PRDM15: variants seen among roughly 807,000 people sequenced by gnomAD.
PRDM15 encodes PR/SET domain 15, also known as PR domain zinc finger protein 15.
A neutral mutation model predicts 128.6 loss-of-function variants in PRDM15; 64 were observed. The observed-to-expected ratio is 0.50, with a 90% CI of 0.41 to 0.61. PRDM15 has a LOEUF of 0.61. Among genes scored for constraint, PRDM15 ranks in the 20% least tolerant of loss-of-function variants. The pLI is 0.00. For synonymous variants in PRDM15, 615 were observed against 621.8 expected (o/e 0.99, Z 0.16); for missense variants, 1,242 against 1,569.1 (o/e 0.79, Z 3.52).
intron 1 of PRDM15, chr21:41,867,478 G>A: frequency 1.1e-6 from 1 of 924,274 alleles, no homozygotes; most frequent in South Asian, 1.5e-5. Flanking sequence ...TGTTGCCCAG[G>A]CTGGAGCGCA....
intron 1 of PRDM15, chr21:41,878,844 C>CT (rs2064524657): frequency 3.4e-6 from 3 of 894,168 alleles, no homozygotes; most frequent in Non-Finnish European, 3.8e-6. Context: ...GGGCCGCGGG[C>CT]CGGGGCGGCG....
rs2146396742 is a variant in PRDM15 at position 41,821,830 on chromosome 21, T to C, written c.1896+73A>G. 5.7e-6 allele frequency: 9 copies of C among 1,569,080 alleles called. No individual in the cohort carries two copies. Among genetic ancestry groups the C allele is most frequent in the Non-Finnish European group, 6.1e-6 (7 of 1,146,864 alleles). On this transcript the variant is annotated intron_variant, in intron 15 of 23. Coordinates refer to ENST00000398548, the MANE Select transcript of PRDM15 (RefSeq NM_001040424.3). This position sits in a 1 kb window ranked among gnomAD's most constrained non-coding sequence, Gnocchi z 5.4. ...GAGATGCATGAAGGTGCCTGCTGTG[T>C]GGGGCCCACAGCCTTGAAACGACCA... is the stretch of plus-strand genomic sequence containing the variant.
chr21:41,878,507 C>A (rs1006764571), intron 1 of PRDM15, among the ~76,000 whole-genome samples: 2 of 152,282 alleles, frequency 1.3e-5, no homozygotes, highest in Admixed American at 6.5e-5. Context: ...CAGGACGCTG[C>A]GCGTGGCCCC....
chr21:41,873,827 T>G (rs2064300585), intron 1 of PRDM15, among the ~76,000 whole-genome samples: 1 of 152,098 alleles, frequency 6.6e-6, no homozygotes, highest in Admixed American at 6.5e-5. Context: ...GGAGGATTGC[T>G]GAAGCCCAGG....
intron 1 of PRDM15, among the ~76,000 whole-genome samples, chr21:41,866,571 C>A (rs1425747583): frequency 6.6e-6 from 1 of 152,256 alleles, no homozygotes; most frequent in Non-Finnish European, 1.5e-5. Context: ...AAAGAAAGTT[C>A]AAACAAAGCC....
At chr21:41,872,818 C>T (rs1346270682) in intron 1 of PRDM15, among the ~76,000 whole-genome samples, 13 of 152,152 alleles carry the variant, frequency 8.5e-5, no homozygotes, top group Non-Finnish European at 1.9e-4. Flanking sequence ...GAAGAAAGCA[C>T]TGTATTTAGT....
intron 7 of PRDM15, among the ~76,000 whole-genome samples, chr21:41,838,581 C>G (rs759540535): frequency 2.0e-5 from 3 of 152,188 alleles, no homozygotes; most frequent in Non-Finnish European, 4.4e-5. Context: ...AAAATTCAAC[C>G]ACTGGTTTCT....
intron 19 of PRDM15, chr21:41,814,069 T>C (rs1275977663): frequency 6.9e-6 from 1 of 144,838 alleles, no homozygotes; most frequent in South Asian, 2.3e-4. Flanking sequence ...TAGTGTGTTA[T>C]GAGAATGCCT....
At chr21:41,868,805 C>T (rs2064109930) in intron 1 of PRDM15, among the ~76,000 whole-genome samples, 2 of 150,644 alleles carry the variant, frequency 1.3e-5, no homozygotes, top group African/African-American at 4.9e-5. Context: ...ATTCTCCTGC[C>T]TCAGCCTCCA....
intron 5 of PRDM15, among the ~76,000 whole-genome samples, chr21:41,851,846 A>T (rs1387646076): frequency 6.6e-6 from 1 of 152,220 alleles, no homozygotes; most frequent in Non-Finnish European, 1.5e-5. Context: ...ACAAGTGACC[A>T]TCCTAAAAAG....
At chr21:41,806,385 CCACCACCAT>C in intron 21 of PRDM15, among the ~76,000 whole-genome samples, 2 of 17,284 alleles carry the variant, frequency 1.2e-4, no homozygotes, top group African/African-American at 6.9e-4. Context: ...ACCATCACCA[CCACCACCAT>C]CACCACCACC....
In PRDM15 at chr21:41,836,532, C is replaced by G; in HGVS notation, c.1119G>C (p.Gln373His). The part of the protein sequence containing the change: ...KQLGEHKRVY[Q>H]CNICSKIFQN... ...GGAAGATCTTGCTGCAGATATTGCA[C>G]TGGTAAACCCGCTTGTGCTCCCCGA... Residue 373 changes from glutamine to histidine, a missense_variant, in exon 9 of 24, where the codon CAG (glutamine) becomes CAC (histidine). Coordinates refer to ENST00000398548, the MANE Select transcript of PRDM15 (RefSeq NM_001040424.3). 6.2e-7 allele frequency: 1 copy of G among 1,612,908 alleles called. No homozygotes were observed. Among genetic ancestry groups the G allele is most frequent in the Non-Finnish European group, 8.5e-7 (1 of 1,179,986 alleles).
intron 14 of PRDM15, 28 bp from the exon 15 acceptor site, chr21:41,822,065 C>T (rs1315375216): frequency 6.2e-7 from 1 of 1,612,920 alleles, no homozygotes; most frequent in Non-Finnish European, 8.5e-7. Context: ...CTTCCGGTTT[C>T]TAACAGCGCA....
At chr21:41,835,329 T>C (rs577413806) in intron 11 of PRDM15, 108 bp downstream of exon 11, 1 of 882,250 alleles carries the variant, frequency 1.1e-6, no homozygotes, top group African/African-American at 1.6e-5. Context: ...TGAGGCTGTC[T>C]ATTCATGAAA....
chr21:41,879,159 G>A lies in PRDM15; in HGVS notation c.-10+111C>T, dbSNP rs934660987. On this transcript the variant is annotated intron_variant, in intron 1 of 23. Coordinates refer to ENST00000398548, the MANE Select transcript of PRDM15 (RefSeq NM_001040424.3). The surrounding 1 kb of genome is among the most constrained non-coding windows in gnomAD (Gnocchi z 5.1). Reference sequence around the variant, plus strand: ...CGCGCGGCTGCCGGGCGCGGGGGGCGGGGGGCAGCGGGCCCAGGGCGCGCC... The same window carrying A: ...CGCGCGGCTGCCGGGCGCGGGGGGCAGGGGGCAGCGGGCCCAGGGCGCGCC... 7.1e-5 allele frequency: 65 copies of A among 918,336 alleles called. No homozygotes were observed. Among genetic ancestry groups the A allele is most frequent in the Middle Eastern group, 1.1e-3 (2 of 1,796 alleles). The allele number at this position is 918,336 out of a possible 1,614,324, so 56.9% of individuals were successfully genotyped here.
intron 22 of PRDM15, among the ~76,000 whole-genome samples, chr21:41,803,419 C>G (rs115384842): frequency 1.2e-3 from 184 of 152,378 alleles, no homozygotes; most frequent in African/African-American, 4.3e-3. Context: ...GGCCCCTCCC[C>G]GCACGATTCC....
intron 19 of PRDM15, chr21:41,814,034 G>C (rs1406297035): frequency 2.0e-5 from 3 of 149,010 alleles, no homozygotes; most frequent in Non-Finnish European, 4.4e-5. Flanking sequence ...AGAATGCCTC[G>C]TGTTAGTGAT....
rs566840542 is a variant in PRDM15 at position 41,811,073 on chromosome 21, G to C, written c.2393-237C>G. The C allele has an allele frequency of 1.2e-5, 6 of 505,072 alleles. No homozygotes were observed. The Admixed American group carries it at 1.9e-4, about 16-fold the overall frequency. 31.3% of individuals were successfully genotyped at this position (505,072 alleles called of 1,614,324 possible). A position where few individuals can be genotyped will look rare whatever the true frequency, so the allele number is the denominator to read the frequency against. On this transcript the variant is annotated intron_variant, in intron 19 of 23. Transcript: ENST00000398548. This position sits in a 1 kb window ranked among gnomAD's most constrained non-coding sequence, Gnocchi z 4.1. ...CAAAAAAACATGAGATGTGGGAAAG[G>C]CTGTCTGAAAACACAGACAGAAAGT...
intron 1 of PRDM15, among the ~76,000 whole-genome samples, chr21:41,867,720 G>A (rs2064063065): frequency 1.3e-5 from 2 of 152,192 alleles, no homozygotes. Flanking sequence ...AAAGACACAT[G>A]TCTGGAGAAA....
Sources: allele counts gnomAD v4.1 joint callset (sites outside exome capture counted in the v4.1 genomes callset), GRCh38; gene constraint gnomAD v4.1.1; non-coding constraint Gnocchi (gnomAD v3.1); transcripts MANE v1.5; gene names NCBI Gene and HGNC (gene_info 2026-07-23, HGNC 2026-07-21).